Variants in MOB1B observed in about 807,000 individuals in gnomAD.
MOB1B encodes the protein MOB1 Mps One Binder homolog B.
In MOB1B, 19 loss-of-function variants were observed where a neutral mutation model predicts 24.4. The observed-to-expected ratio is 0.78, with a 90% CI of 0.54 to 1.14. The LOEUF is 1.14. MOB1B is among the 50% of genes most tolerant of loss of function. The pLI is 0.00. For missense variants in MOB1B, 243 were observed against 259.6 expected, an observed-to-expected ratio of 0.94 and a Z score of 0.44; for synonymous variants, 76 against 82.1, an observed-to-expected ratio of 0.93 and a Z score of 0.40.
rs373654917 is a variant in MOB1B at position 70,959,922 on chromosome 4, G to A, written c.181+882G>A. 1.6e-4 allele frequency among the ~76,000 whole-genome samples: 25 copies of A among 151,784 alleles called. 1 individual carries two copies. The highest frequency in any genetic ancestry group is 7.7e-4 in the East Asian group (4 of 5,162). ...TTTTGAGATCGACTCTTGCTCTGTC[G>A]CCCAGGCTGGAGTACCAGTGACATG... On this transcript the variant is annotated intron_variant, in intron 2 of 5. Coordinates refer to ENST00000309395, the MANE Select transcript of MOB1B (RefSeq NM_173468.4).
chr4:70,954,868 C>T (rs1054455442), intron 1 of MOB1B, among the ~76,000 whole-genome samples: 1 of 151,996 alleles, frequency 6.6e-6, no homozygotes, highest in East Asian at 1.9e-4. Context: ...AGGCTGCAAC[C>T]TCCGCCTCCC....
At chr4:70,976,583 A>C in intron 4 of MOB1B, 1 of 985,250 alleles carries the variant, frequency 1.0e-6, no homozygotes, top group Non-Finnish European at 1.2e-6. Flanking sequence ...AAAGCTAAGA[A>C]TCTGCTCCTG....
chr4:70,946,001 A>G (rs1022977510), intron 1 of MOB1B, among the ~76,000 whole-genome samples: 1 of 151,630 alleles, frequency 6.6e-6, no homozygotes, highest in Non-Finnish European at 1.5e-5. Context: ...TCAAAGCATT[A>G]AGACTACACA....
rs1737471804 is a variant in MOB1B at position 70,944,078 on chromosome 4, T to TTGC, written c.15-14794_15-14792dup. Among the ~76,000 whole-genome samples, 3 of 152,154 alleles carry TTGC rather than the reference T, an allele frequency of 2.0e-5. No homozygotes were observed. In the South Asian group the frequency reaches 6.2e-4, roughly 32 times the overall value. The stretch of plus-strand genomic sequence containing the variant: ...TACTTTTTTTTTTTGAGACGGAGTC[T>TTGC]TGCTCTGTCACCTAGTTGCAATCTT... On this transcript the variant is annotated intron_variant, in intron 1 of 5. Coordinates refer to ENST00000309395, the MANE Select transcript of MOB1B (RefSeq NM_173468.4).
intron 1 of MOB1B, among the ~76,000 whole-genome samples, chr4:70,948,047 T>C (rs1033131836): frequency 2.0e-5 from 3 of 152,218 alleles, no homozygotes; most frequent in Non-Finnish European, 2.9e-5. Flanking sequence ...AGAAGTTTTA[T>C]AGTATTGTGT....
chr4:70,971,954 G>A (rs112812094), intron 3 of MOB1B, among the ~76,000 whole-genome samples: 6,163 of 146,290 alleles, frequency 0.042, 198 homozygotes, highest in Non-Finnish European at 0.063. Flanking sequence ...CTTTCTCTAC[G>A]TCTCTTTTCT....
At chr4:70,931,844 T>G (rs886500881) in intron 1 of MOB1B, among the ~76,000 whole-genome samples, 5 of 151,902 alleles carry the variant, frequency 3.3e-5, no homozygotes, top group African/African-American at 1.2e-4. Flanking sequence ...AATCCTCCCA[T>G]CTCAGTCTCC....
intron 2 of MOB1B, among the ~76,000 whole-genome samples, chr4:70,959,398 A>C (rs1281009959): frequency 6.6e-6 from 1 of 152,104 alleles, no homozygotes; most frequent in Non-Finnish European, 1.5e-5. Flanking sequence ...GTTTTAGTAG[A>C]GATGGAGTTC....
Position 70,920,296 on chromosome 4 carries a change from C to T in MOB1B, c.14+17746C>T, listed in dbSNP as rs770512576. Among the ~76,000 whole-genome samples the T allele has an allele frequency of 4.1e-4, 62 of 152,090 alleles. 1 individual carries two copies. The highest frequency in any genetic ancestry group is 5.9e-4 in the Non-Finnish European group (40 of 68,016). ...CTTCTCCTTCAACAGTCTCACTCTC[C>T]GCTCACTGCACCTCTGCCTCCTGGG... is the stretch of plus-strand genomic sequence containing the variant. On this transcript the variant is annotated intron_variant, in intron 1 of 5. Transcript: ENST00000309395.
chr4:70,912,862 G>A (rs1230518766), intron 1 of MOB1B, among the ~76,000 whole-genome samples: 1 of 152,162 alleles, frequency 6.6e-6, no homozygotes, highest in Non-Finnish European at 1.5e-5. Flanking sequence ...CTAGGCTCAA[G>A]GGATCCTCCC....
In MOB1B at chr4:70,976,603, A is replaced by G. The variant is rs570030732; in HGVS notation, c.409+1317A>G. Reference sequence around the variant, plus strand: ...TAAGAATCTGCTCCTGTAATGTTAGAACTTTTTGACATTTTACGATTTTTT... The same window carrying G: ...TAAGAATCTGCTCCTGTAATGTTAGGACTTTTTGACATTTTACGATTTTTT... On this transcript the variant is annotated intron_variant, in intron 4 of 5. Coordinates refer to ENST00000309395, the MANE Select transcript of MOB1B (RefSeq NM_173468.4). 1,836 of 984,854 alleles carry G rather than the reference A, an allele frequency of 1.9e-3. 2 individuals carry two copies. The highest frequency in any genetic ancestry group is 2.2e-3 in the Non-Finnish European group (1,784 of 829,710). The allele number at this position is 984,854 out of a possible 1,614,324, so 61.0% of individuals were successfully genotyped here. A position where few individuals can be genotyped will look rare whatever the true frequency, so the allele number is the denominator to read the frequency against.
chr4:70,907,764 G>C (rs1735806160), intron 1 of MOB1B, among the ~76,000 whole-genome samples: 1 of 152,130 alleles, frequency 6.6e-6, no homozygotes. Context: ...AGTGAGCCAA[G>C]ATTGCACCAC....
At chr4:70,904,802 T>TGG (rs34819911) in intron 1 of MOB1B, among the ~76,000 whole-genome samples, 6,041 of 151,766 alleles carry the variant, frequency 0.04, 402 homozygotes, top group African/African-American at 0.14. Flanking sequence ...GAGCCATATT[T>TGG]GGCTGAAACT....
At chr4:70,958,203 C>G (rs1321262120) in intron 1 of MOB1B, among the ~76,000 whole-genome samples, 1 of 151,092 alleles carries the variant, frequency 6.6e-6, no homozygotes, top group South Asian at 2.1e-4. Context: ...CTCACTCTGC[C>G]GCCCAGGCTA....
intron 1 of MOB1B, among the ~76,000 whole-genome samples, chr4:70,925,885 T>C (rs530468583): frequency 2.6e-5 from 4 of 152,354 alleles, no homozygotes; most frequent in African/African-American, 9.6e-5. Context: ...ATGTGTTTTT[T>C]TCTCCTTCTG....
At chr4:70,915,481 A>G (rs1736160756) in intron 1 of MOB1B, among the ~76,000 whole-genome samples, 1 of 152,242 alleles carries the variant, frequency 6.6e-6, no homozygotes, top group Non-Finnish European at 1.5e-5. Context: ...AGTATGCCCT[A>G]TGTAAGGGAG....
At chr4:70,976,056 C>A (rs183209075) in intron 4 of MOB1B, 95 of 286,400 alleles carry the variant, frequency 3.3e-4, no homozygotes, top group African/African-American at 1.7e-3. Flanking sequence ...CGTGCCACCA[C>A]GCCCAGCTAA....
intron 3 of MOB1B, among the ~76,000 whole-genome samples, chr4:70,973,537 T>C (rs1738857322): frequency 6.6e-6 from 1 of 150,578 alleles, no homozygotes; most frequent in Non-Finnish European, 1.5e-5. Context: ...CTCTAGCTCC[T>C]AAGAGGAGCA....
At chr4:70,969,676 C>G (rs749876673) in intron 2 of MOB1B, among the ~76,000 whole-genome samples, 2 of 152,186 alleles carry the variant, frequency 1.3e-5, no homozygotes, top group East Asian at 3.9e-4. Flanking sequence ...TTTATCTATT[C>G]TAGATATAAG....
Sources: gnomAD v4.1 joint callset for allele counts (sites outside exome capture counted in the v4.1 genomes callset) on GRCh38, gnomAD v4.1.1 for gene constraint, MANE v1.5 for transcripts, NCBI Gene and HGNC (gene_info 2026-07-23, HGNC 2026-07-21) for gene names.